MED13: variants seen among roughly 807,000 people sequenced by gnomAD.
MED13 encodes mediator complex subunit 13.
In MED13, 23 loss-of-function variants were observed where a neutral mutation model predicts 225.2. The ratio of observed to expected loss-of-function variants is 0.10; its 90% CI spans 0.07 to 0.14. The LOEUF (loss-of-function observed/expected upper bound fraction) is 0.14, where lower values mean the gene tolerates loss of function less well. Ranked by LOEUF, MED13 falls within the 10% of genes least tolerant of loss-of-function variation. The pLI is 1.00. For missense variants in MED13, 2,197 were observed against 2,594.5 expected, an observed-to-expected ratio of 0.85 and a Z score of 3.33; for synonymous variants, 942 against 889.2, an observed-to-expected ratio of 1.06 and a Z score of -1.06.
chr17:61,947,122 T>A (rs2143270513), intron 28 of MED13, 105 bp from the exon 29 acceptor site: 1 of 744,104 alleles, frequency 1.3e-6, no homozygotes, highest in East Asian at 2.7e-5. Context: ...TGAAATACAT[T>A]TTAGTCCTAT....
chr17:61,995,359 C>T lies in MED13; in HGVS notation c.1974G>A (p.Met658Ile). The T allele has an allele frequency of 6.4e-7, 1 of 1,570,704 alleles. No individual in the cohort carries two copies. The highest frequency in any genetic ancestry group is 8.6e-7 in the Non-Finnish European group (1 of 1,165,444). The change falls in exon 10 of 30, where the codon ATG becomes ATA. Residue 658 changes from methionine (M) to isoleucine (I), a missense_variant. Physicochemically the swap from Met to Ile is conservative, Grantham distance 10. This residue lies in a region of MED13 where 884 missense variants were observed against 918.5 expected (regional missense o/e 0.96). Transcript: ENST00000397786. Reference sequence around the variant, plus strand: ...CTTTTAAAGGTTTCTTACATTGCACCATTAACCTGCATAAAAAAATTAAAA... The same window carrying T: ...CTTTTAAAGGTTTCTTACATTGCACTATTAACCTGCATAAAAAAATTAAAA... Reference protein sequence around the residue: ...QESVTSVTELMVQCKKPLKVS... With the variant: ...QESVTSVTELIVQCKKPLKVS...
At position 61,943,081 on chromosome 17, in the gene MED13, G is replaced by A. The variant is rs1446006698; in HGVS notation, c.*3387C>T. 1 of 152,166 alleles carries A rather than the reference G, an allele frequency of 6.6e-6. No homozygotes were observed. The highest frequency in any genetic ancestry group is 2.4e-5 in the African/African-American group (1 of 41,326). The allele number at this position is 152,166 out of a possible 1,614,324, so 9.4% of individuals were successfully genotyped here. On this transcript the variant is annotated 3_prime_UTR_variant, in exon 30 of 30. Coordinates refer to ENST00000397786, the MANE Select transcript of MED13 (RefSeq NM_005121.3). Reference sequence around the variant, plus strand: ...CATAAAAATTTAAACCACAGTTCTGGGCCCATTAAAACACCAAAAAAGACC... The same window carrying A: ...CATAAAAATTTAAACCACAGTTCTGAGCCCATTAAAACACCAAAAAAGACC...
chr17:61,990,012 AT>A (rs2080281455), intron 11 of MED13, among the ~76,000 whole-genome samples: 2 of 152,166 alleles, frequency 1.3e-5, no homozygotes, highest in African/African-American at 4.8e-5. Context: ...CATTGTTCAG[AT>A]AGATTTTTTT....
intron 29 of MED13, 69 bp from the exon 30 acceptor site, chr17:61,946,669 T>C: frequency 1.3e-6 from 2 of 1,568,946 alleles, no homozygotes; most frequent in African/African-American, 1.4e-5. Flanking sequence ...CAGTTTTCAA[T>C]TATGGCATTT....
chr17:62,061,029 C>G (rs998735508), intron 2 of MED13, among the ~76,000 whole-genome samples: 2 of 152,088 alleles, frequency 1.3e-5, no homozygotes, highest in Non-Finnish European at 2.9e-5. Context: ...GTACAAGTAA[C>G]TACCATTTTT....
At chr17:61,975,433 A>C (rs1247365791) in intron 16 of MED13, among the ~76,000 whole-genome samples, 1 of 152,214 alleles carries the variant, frequency 6.6e-6, no homozygotes, top group Non-Finnish European at 1.5e-5. Flanking sequence ...TCACAATGAG[A>C]TACTTTGATT....
At chr17:62,041,788 G>C (rs2080855143) in intron 3 of MED13, among the ~76,000 whole-genome samples, 1 of 152,104 alleles carries the variant, frequency 6.6e-6, no homozygotes, top group South Asian at 2.1e-4. Context: ...TCACTATGTT[G>C]TCCAGGCTGG....
intron 3 of MED13, among the ~76,000 whole-genome samples, chr17:62,040,687 C>CT (rs2080845489): frequency 6.6e-6 from 1 of 152,146 alleles, no homozygotes; most frequent in African/African-American, 2.4e-5. Flanking sequence ...ACTTCAAACT[C>CT]TAAACACCCT....
intron 26 of MED13, 114 bp downstream of exon 26, chr17:61,955,268 T>C (rs1603390804): frequency 1.1e-6 from 1 of 869,830 alleles, no homozygotes. Flanking sequence ...ACTTATCACA[T>C]CTGCAAAATC....
Position 61,995,277 on chromosome 17 carries a change from C to T in MED13, c.2056G>A (p.Ala686Thr). Reference sequence around the variant, plus strand: ...TTAGGTTCTTGTTCTGCATCAGATGCTATTGCTGAAAGACACTGGTTTTTA... The same window carrying T: ...TTAGGTTCTTGTTCTGCATCAGATGTTATTGCTGAAAGACACTGGTTTTTA... ...QIKNQCLSAI[A>T]SDAEQEPKID... is the part of the protein sequence containing the mutation. The change falls in exon 10 of 30, where the codon GCA becomes ACA. Residue 686 changes from alanine (A) to threonine (T), a missense_variant. Physicochemically the swap from Ala to Thr is moderately conservative, Grantham distance 58 (BLOSUM62 0). Around this residue, in one of 12 missense-constraint regions of MED13, gnomAD observed 884 missense variants for 918.5 expected, o/e 0.96. Transcript: ENST00000397786. 1 of 1,613,692 alleles carries T rather than the reference C, an allele frequency of 6.2e-7. No individual in the cohort carries two copies. Among genetic ancestry groups the T allele is most frequent in the Non-Finnish European group, 8.5e-7 (1 of 1,179,842 alleles).
chr17:62,052,228 TA>T (rs952097272), intron 3 of MED13, among the ~76,000 whole-genome samples: 2 of 151,814 alleles, frequency 1.3e-5, no homozygotes, highest in Admixed American at 6.6e-5. Context: ...CCACAAATAC[TA>T]AAAAAAAGAT....
At chr17:62,041,795 C>T (rs1021645627) in intron 3 of MED13, among the ~76,000 whole-genome samples, 1 of 152,118 alleles carries the variant, frequency 6.6e-6, no homozygotes, top group Non-Finnish European at 1.5e-5. Context: ...GTTGTCCAGG[C>T]TGGTCTTGAA....
At chr17:62,041,441 A>G (rs2080851640) in intron 3 of MED13, among the ~76,000 whole-genome samples, 1 of 152,222 alleles carries the variant, frequency 6.6e-6, no homozygotes, top group Non-Finnish European at 1.5e-5. Flanking sequence ...TCAGTTTGGG[A>G]TGATGAAAAA....
chr17:61,980,451 A>G (rs1315307913), intron 16 of MED13, among the ~76,000 whole-genome samples: 1 of 152,054 alleles, frequency 6.6e-6, no homozygotes, highest in African/African-American at 2.4e-5. Context: ...TTTAAAACAT[A>G]TTATCTCCAA....
rs754708076 is a variant in MED13, at chr17:62,052,595, G to A, written c.412C>T (p.Arg138Cys). The A allele has an allele frequency of 6.3e-6, 10 of 1,595,296 alleles. No homozygotes were observed. Among genetic ancestry groups the A allele is most frequent in the South Asian group, 3.5e-5 (3 of 86,912 alleles). ...ERCLMNRNFV[R>C]IGKWFVKPYE... Reference sequence around the variant, plus strand: ...GGCTTTACAAACCACTTGCCAATACGTACAAAATTCCTGTTCATTAAACAC... The same window carrying A: ...GGCTTTACAAACCACTTGCCAATACATACAAAATTCCTGTTCATTAAACAC... Residue 138 changes from arginine (R) to cysteine (C), a missense_variant, in exon 3 of 30, where the codon CGT becomes TGT. Physicochemically the swap from Arg to Cys is radical, Grantham distance 180. Coordinates refer to ENST00000397786, the MANE Select transcript of MED13 (RefSeq NM_005121.3).
intron 3 of MED13, among the ~76,000 whole-genome samples, chr17:62,046,095 T>C (rs559659298): frequency 5.9e-5 from 9 of 152,302 alleles, no homozygotes; most frequent in Non-Finnish European, 1.2e-4. Flanking sequence ...AATTGATTAG[T>C]CAACAAAAAC....
intron 2 of MED13, among the ~76,000 whole-genome samples, chr17:62,059,726 G>A (rs548295667): frequency 2.0e-4 from 30 of 152,332 alleles, no homozygotes; most frequent in Non-Finnish European, 3.7e-4. Flanking sequence ...GAGGGAGGTA[G>A]ACGCTGTCCC....
intron 11 of MED13, among the ~76,000 whole-genome samples, chr17:61,989,852 C>T (rs2080280027): frequency 6.6e-6 from 1 of 152,172 alleles, no homozygotes; most frequent in Admixed American, 6.5e-5. Context: ...CATTCAGGGC[C>T]TTTTGTGACC....
chr17:61,966,441 C>A (rs1011095794), intron 19 of MED13, 21 bp downstream of exon 19: 5 of 1,588,022 alleles, frequency 3.1e-6, no homozygotes, highest in Non-Finnish European at 4.3e-6. Flanking sequence ...CAGCCTTATA[C>A]AATAAATACA....
Sources: allele counts gnomAD v4.1 joint callset (sites outside exome capture counted in the v4.1 genomes callset), GRCh38; gene constraint gnomAD v4.1.1; regional missense constraint gnomAD v4.1.1; transcripts MANE v1.5; gene names NCBI Gene and HGNC (gene_info 2026-07-23, HGNC 2026-07-21).